The following TPM3 variants were observed in gnomAD, a reference collection of about 807,000 sequenced individuals.
TPM3 encodes the protein tropomyosin alpha-3 chain.
TPM3 carries 16 observed loss-of-function variants against 43.1 expected under a neutral mutation model. That is an observed-to-expected ratio of 0.37 (90% CI 0.25 to 0.56). The LOEUF (loss-of-function observed/expected upper bound fraction) is 0.56, where lower values mean the gene tolerates loss of function less well. TPM3 is among the 20% of genes least tolerant of loss of function. The pLI, the probability that TPM3 is intolerant of heterozygous loss-of-function variation, is 0.77. For missense variants in TPM3, 176 were observed against 337.2 expected, an observed-to-expected ratio of 0.52 and a Z score of 3.74; for synonymous variants, 101 against 116.9, an observed-to-expected ratio of 0.86 and a Z score of 0.88.
intron 2 of TPM3, chr1:154,187,355 T>G (rs1663452713): frequency 1.0e-6 from 1 of 984,636 alleles, no homozygotes; most frequent in South Asian, 4.7e-5. Context: ...AAGAAACCTT[T>G]CTTCTTGCTT....
At chr1:154,169,530 A>G (rs1289388831) in intron 8 of TPM3, 147 bp from the exon 9 acceptor site, 6 of 749,510 alleles carry the variant, frequency 8.0e-6, no homozygotes, top group Non-Finnish European at 1.1e-5. Flanking sequence ...TCTGGCAACC[A>G]TGACTGGACA....
downstream of TPM3, among the ~76,000 whole-genome samples, chr1:154,161,111 G>A (rs1420901691): frequency 2.9e-5 from 4 of 135,782 alleles, no homozygotes; most frequent in East Asian, 8.6e-4. Context: ...ATGCTCAACT[G>A]GAAAGTATAA....
At chr1:154,185,383 A>G (rs1167908797) in intron 2 of TPM3, among the ~76,000 whole-genome samples, 1 of 147,420 alleles carries the variant, frequency 6.8e-6, no homozygotes, top group Non-Finnish European at 1.5e-5. Context: ...AAAAAAAAAA[A>G]AAAAAAAATG....
At chr1:154,177,438 T>C (rs1467140841) in intron 2 of TPM3, among the ~76,000 whole-genome samples, 1 of 151,954 alleles carries the variant, frequency 6.6e-6, no homozygotes, top group Admixed American at 6.6e-5. Context: ...CCTGGATGGG[T>C]TTTCTCTAAG....
At chr1:154,173,997 A>T (rs748678974) in intron 3 of TPM3, among the ~76,000 whole-genome samples, 4 of 151,542 alleles carry the variant, frequency 2.6e-5, no homozygotes, top group Non-Finnish European at 5.9e-5. Context: ...ACCCCCAAAA[A>T]AACTTATTAA....
At chr1:154,156,560 A>T (rs570100204), downstream of TPM3, 8 of 201,564 alleles carry the variant, frequency 4.0e-5, no homozygotes, top group African/African-American at 1.6e-4. Flanking sequence ...GGGACTGGGT[A>T]GGGAAGGAAA....
chr1:154,187,395 T>G, intron 2 of TPM3: 1 of 984,784 alleles, frequency 1.0e-6, no homozygotes, highest in Non-Finnish European at 1.2e-6. Flanking sequence ...CCTCTCCTGT[T>G]TCTTGTTCTT....
intron 5 of TPM3, chr1:154,171,959 C>CAAAACA: frequency 6.4e-7 from 1 of 1,566,874 alleles, no homozygotes; most frequent in Non-Finnish European, 8.8e-7. Context: ...GAGGCAGCTG[C>CAAAACA]AAAACAAAAA....
At chr1:154,157,030 T>G (rs1451301851), downstream of TPM3, 1 of 202,722 alleles carries the variant, frequency 4.9e-6, no homozygotes, top group African/African-American at 2.3e-5. Context: ...TATCCAAAGA[T>G]ATCTTAAAGC....
chr1:154,188,457 C>T (rs1449863915), intron 2 of TPM3, among the ~76,000 whole-genome samples: 1 of 151,416 alleles, frequency 6.6e-6, no homozygotes, highest in Non-Finnish European at 1.5e-5. Flanking sequence ...GGGCGGATCA[C>T]AAGGTGAGGA....
rs568444096 is a variant in TPM3 at position 154,180,230 on chromosome 1, G to T, written c.244-3982C>A. On this transcript the variant is annotated intron_variant, in intron 2 of 9. Coordinates refer to ENST00000651641, the MANE Select transcript of TPM3 (RefSeq NM_152263.4). ...AGACTCATCTAGCTTCCCAACAAGG[G>T]TGGCTTGGATGTTCACACAAAGTAA... Among the ~76,000 whole-genome samples, 19 of 152,160 alleles carry T rather than the reference G, an allele frequency of 1.2e-4. No individual in the cohort carries two copies. In the East Asian group the frequency reaches 3.7e-3, roughly 29 times the overall value.
At position 154,162,526 on chromosome 1, in the gene TPM3, T is replaced by C. The variant is rs1236860177; in HGVS notation, c.*5411A>G. Among the ~76,000 whole-genome samples the C allele has an allele frequency of 1.3e-5, 2 of 152,110 alleles. No individual in the cohort carries two copies. The highest frequency in any genetic ancestry group is 2.9e-5 in the Non-Finnish European group (2 of 68,034). On this transcript the variant is annotated 3_prime_UTR_variant, in exon 10 of 10. Transcript: ENST00000651641. ...AAACAGAATAGGTCAGTTGTACCTA[T>C]CAGATAACTTGGGGTTACTACATCT...
chr1:154,173,493 C>T lies in TPM3; in HGVS notation c.378-292G>A, dbSNP rs372981721. Among the ~76,000 whole-genome samples, 46 of 152,078 alleles carry T rather than the reference C, an allele frequency of 3.0e-4. No individual in the cohort carries two copies. The South Asian group carries it at 3.7e-3, about 12-fold the overall frequency. On this transcript the variant is annotated intron_variant, in intron 3 of 9. Coordinates refer to ENST00000651641, the MANE Select transcript of TPM3 (RefSeq NM_152263.4). ...CAGCCTGACCAACATGGAGAAACCC[C>T]GTCTCTACTAAAAATACAAAATTAG...
At chr1:154,170,004 C>A in intron 8 of TPM3, 1 of 276,580 alleles carries the variant, frequency 3.6e-6, no homozygotes, top group South Asian at 3.9e-5. Flanking sequence ...GGATAAATAC[C>A]CGACAACTTG....
intron 2 of TPM3, among the ~76,000 whole-genome samples, chr1:154,184,620 A>G (rs913754855): frequency 5.9e-5 from 9 of 152,214 alleles, no homozygotes; most frequent in African/African-American, 2.2e-4. Context: ...ATCCTCTATT[A>G]CAGACCACTG....
intron 2 of TPM3, among the ~76,000 whole-genome samples, chr1:154,177,089 C>T (rs1662425112): frequency 6.6e-6 from 1 of 151,960 alleles, no homozygotes; most frequent in Admixed American, 6.6e-5. Flanking sequence ...GAATAACTAG[C>T]CAAGGGAATG....
chr1:154,170,267 G>A, intron 8 of TPM3, 133 bp downstream of exon 8: 1 of 957,800 alleles, frequency 1.0e-6, no homozygotes, highest in Non-Finnish European at 1.7e-6. Context: ...CTGTGGCATA[G>A]GACAGTGCAC....
downstream of TPM3, among the ~76,000 whole-genome samples, chr1:154,157,944 C>G (rs1659976457): frequency 6.6e-6 from 1 of 152,018 alleles, no homozygotes; most frequent in Non-Finnish European, 1.5e-5. Flanking sequence ...GAGTTAGGGC[C>G]CTTATCAGCC....
intron 2 of TPM3, among the ~76,000 whole-genome samples, chr1:154,186,338 G>A (rs1178502774): frequency 6.6e-6 from 1 of 151,436 alleles, no homozygotes; most frequent in African/African-American, 2.5e-5. Flanking sequence ...AAACCAAGAG[G>A]GTATTGAGAG....
Sources: allele counts gnomAD v4.1 joint callset (sites outside exome capture counted in the v4.1 genomes callset), GRCh38; gene constraint gnomAD v4.1.1; transcripts MANE v1.5; gene names NCBI Gene and HGNC (gene_info 2026-07-23, HGNC 2026-07-21).